Variants in NSMF observed in about 807,000 individuals in gnomAD.
NSMF encodes the protein nasal embryonic LHRH factor.
Under a neutral mutation model 71.0 loss-of-function variants are expected in NSMF, and 31 were observed. The observed-to-expected ratio is 0.44, with a 90% CI of 0.33 to 0.59. The LOEUF (loss-of-function observed/expected upper bound fraction) is 0.59. Among genes scored for constraint, NSMF ranks in the 20% least tolerant of loss-of-function variants. The pLI is 0.04. For synonymous variants in NSMF, 345 were observed against 287.1 expected (o/e 1.20, Z -2.04); for missense variants, 673 against 740.5 (o/e 0.91, Z 1.06).
Position 137,453,068 on chromosome 9 carries a change from T to G in NSMF, c.1035A>C (p.Pro345=). Residue 345 remains proline, a synonymous_variant, in exon 9 of 16, where the codon CCA becomes CCC. Transcript: ENST00000371475. This position sits in a 1 kb window ranked among gnomAD's most constrained non-coding sequence, Gnocchi z 4.5. ...GGCTGGGCCTCACCATGACCTTTGG[T>G]GGCACGAAGCCTTCGGTGTCGCAGG... The part of the protein sequence containing the change: ...AVACDTEGFV[P]PKVMLISSKV... 6.2e-7 allele frequency: 1 copy of G among 1,612,494 alleles called. No individual in the cohort carries two copies. Among genetic ancestry groups the G allele is most frequent in the Non-Finnish European group, 8.5e-7 (1 of 1,179,886 alleles).
At chr9:137,455,707 C>A (rs1018546930) in intron 4 of NSMF, 73 bp from the exon 5 acceptor site, 3 of 1,507,764 alleles carry the variant, frequency 2.0e-6, no homozygotes, top group Non-Finnish European at 1.8e-6. Flanking sequence ...TCCCCTCAGC[C>A]CCCACCCGGT....
In NSMF at chr9:137,457,708, G is replaced by A. The variant is rs773410048; in HGVS notation, c.327C>T (p.Ala109=). 1.3e-6 allele frequency: 2 copies of A among 1,553,528 alleles called. No homozygotes were observed. Among genetic ancestry groups the A allele is most frequent in the Admixed American group, 2.0e-5 (1 of 51,190 alleles). ...PRVYTISGEP[A]LLPSPEAEAI... is the part of the protein sequence containing the mutation. The stretch of plus-strand genomic sequence containing the variant: ...CCTCCGCCTCAGGGCTGGGCAGCAG[G>A]GCAGGCTCCCCAGAGATGGTGTACA... The change falls in exon 3 of 16, where the codon GCC becomes GCT. Residue 109 remains alanine (A), a synonymous_variant. Transcript: ENST00000371475.
At position 137,453,938 on chromosome 9, in the gene NSMF, T is replaced by C. The variant is rs1313048015; in HGVS notation, c.833-118A>G. On this transcript the variant is annotated intron_variant, in intron 7 of 15. Coordinates refer to ENST00000371475, the MANE Select transcript of NSMF (RefSeq NM_001130969.3). The surrounding 1 kb of genome is among the most constrained non-coding windows in gnomAD (Gnocchi z 4.5). ...GAGGAGGAAGCTAATGTGGGTGGGG[T>C]CTAAGGCACATGAAGCAGACACGGA... is the stretch of plus-strand genomic sequence containing the variant. 1.2e-5 allele frequency: 10 copies of C among 828,320 alleles called. No homozygotes were observed. The highest frequency in any genetic ancestry group is 6.6e-5 in the Admixed American group (3 of 45,618). The allele number at this position is 828,320 out of a possible 1,614,324, so 51.3% of individuals were successfully genotyped here. A position where few individuals can be genotyped will look rare whatever the true frequency, so the allele number is the denominator to read the frequency against.
intron 14 of NSMF, 91 bp from the exon 15 acceptor site, chr9:137,449,765 T>C (rs1367080977): frequency 7.3e-7 from 1 of 1,363,894 alleles, no homozygotes; most frequent in African/African-American, 1.4e-5. Flanking sequence ...CCCTCTTTTT[T>C]CAGACCCCCC....
chr9:137,454,807 G>T (rs764692071), intron 6 of NSMF: 11 of 1,345,282 alleles, frequency 8.2e-6, no homozygotes, highest in Non-Finnish European at 1.1e-5. Flanking sequence ...AGCAGAGCGG[G>T]GCTCCTGTCT....
In NSMF at chr9:137,453,326, C is replaced by T. The variant is rs562969602; in HGVS notation, c.923-146G>A. ...GACCATACAGAGGTCGCCGCCAGCCCGGCAGGACAGGCCTGTGGACACCAC... is the reference window on the plus strand; with the variant it reads ...GACCATACAGAGGTCGCCGCCAGCCTGGCAGGACAGGCCTGTGGACACCAC... On this transcript the variant is annotated intron_variant, in intron 8 of 15. Transcript: ENST00000371475. The surrounding 1 kb of genome is among the most constrained non-coding windows in gnomAD (Gnocchi z 4.5). The T allele has an allele frequency of 1.7e-6, 2 of 1,162,928 alleles. No individual in the cohort carries two copies. Among genetic ancestry groups the T allele is most frequent in the East Asian group, 5.1e-5 (2 of 38,968 alleles). The allele number at this position is 1,162,928 out of a possible 1,614,324, so 72.0% of individuals were successfully genotyped here. A position where few individuals can be genotyped will look rare whatever the true frequency, so the allele number is the denominator to read the frequency against.
chr9:137,455,906 C>G (rs184522833), intron 4 of NSMF, among the ~76,000 whole-genome samples: 3 of 152,324 alleles, frequency 2.0e-5, no homozygotes, highest in Admixed American at 6.5e-5. Context: ...TGGACTCCCC[C>G]GGGCAGGACA....
At position 137,452,556 on chromosome 9, in the gene NSMF, G is replaced by C; in HGVS notation, c.1162C>G (p.Leu388Val). Residue 388 changes from leucine (L) to valine (V), a missense_variant, in exon 11 of 16, where the codon CTT (leucine) becomes GTT (valine). By Grantham distance (32) the Leu-to-Val change is conservative (BLOSUM62 1). This residue lies in a region of NSMF where 202 missense variants were observed against 280.8 expected (regional missense o/e 0.72). Transcript: ENST00000371475. ...AGAAGGCCAATGAGGCACATACCAA[G>C]GATGTCCTCGAAGGTTGCGTGCTCA... ...DHEHATFEDI[L>V]EEIERKLNVY... The C allele has an allele frequency of 6.2e-7, 1 of 1,612,662 alleles. No homozygotes were observed. Among genetic ancestry groups the C allele is most frequent in the African/African-American group, 1.3e-5 (1 of 75,046 alleles).
At position 137,449,437 on chromosome 9, in the gene NSMF, C is replaced by G. The variant is rs1200663021; in HGVS notation, c.1550G>C (p.Ser517Thr). The change falls in exon 16 of 16, where the codon AGC becomes ACC. Residue 517 changes from serine to threonine, a missense_variant. Ser to Thr is a moderately conservative substitution (Grantham distance 58). Transcript: ENST00000371475. Reference protein sequence around the residue: ...FDFRLYRLWKSRQHSKLLDFD... With the variant: ...FDFRLYRLWKTRQHSKLLDFD... ...GTCCAGCAGCTTCGAGTGCTGGCGG[C>G]TCTTCCACAGGCGATACAACCGGAA... 3 of 1,612,812 alleles carry G rather than the reference C, an allele frequency of 1.9e-6. No individual in the cohort carries two copies. The Admixed American group carries it at 5.0e-5, about 27-fold the overall frequency.
chr9:137,452,389 G>T lies in NSMF; in HGVS notation c.1212C>A (p.Ile404=). The T allele has an allele frequency of 1.9e-6, 3 of 1,612,228 alleles. No individual in the cohort carries two copies. Among genetic ancestry groups the T allele is most frequent in the Non-Finnish European group, 2.5e-6 (3 of 1,179,830 alleles). The change falls in exon 12 of 16, where the codon ATC becomes ATA. Residue 404 remains isoleucine, a synonymous_variant. Coordinates refer to ENST00000371475, the MANE Select transcript of NSMF (RefSeq NM_001130969.3). The stretch of plus-strand genomic sequence containing the variant: ...CCTGGCAGAAAATCAGCATTTTCCA[G>T]ATCTTGGCTCCCTTGTGGTAGACGT... ...KLNVYHKGAK[I]WKMLIFCQGG... is the part of the protein sequence containing the mutation.
At position 137,451,047 on chromosome 9, in the gene NSMF, C is replaced by T. The variant is rs73567205; in HGVS notation, c.1237-792G>A. ...TCTCTTCCCCTTGATCTCCCCTCCA[C>T]GTCTCTTCCCCTTGATCTCCCCCTC... On this transcript the variant is annotated intron_variant, in intron 12 of 15. Coordinates refer to ENST00000371475, the MANE Select transcript of NSMF (RefSeq NM_001130969.3). Among the ~76,000 whole-genome samples, 34 of 41,620 alleles carry T rather than the reference C, an allele frequency of 8.2e-4. 1 individual carries two copies. The highest frequency in any genetic ancestry group is 3.9e-3 in the African/African-American group (29 of 7,532). The allele number at this position is 41,620 out of a possible 152,430, so 27.3% of individuals were successfully genotyped here.
Position 137,450,180 on chromosome 9 carries a change from T to C in NSMF, c.1312A>G (p.Ile438Val), listed in dbSNP as rs1402520474. Residue 438 changes from isoleucine (I) to valine (V), a missense_variant, in exon 13 of 16, where the codon ATT (isoleucine) becomes GTT (valine). Ile to Val is a conservative substitution (Grantham distance 29). This residue lies in a region of NSMF where 202 missense variants were observed against 280.8 expected (regional missense o/e 0.72). Coordinates refer to ENST00000371475, the MANE Select transcript of NSMF (RefSeq NM_001130969.3). ...FAKVEKEEDM[I>V]HFWKRLSRLM... ...CCAGGGCACCCGGCTTCTCACTGAA[T>C]CATGTCCTCTTCCTTCTCCACTTTG... The C allele has an allele frequency of 6.2e-7, 1 of 1,613,354 alleles. No individual in the cohort carries two copies. Among genetic ancestry groups the C allele is most frequent in the Non-Finnish European group, 8.5e-7 (1 of 1,179,834 alleles).
intron 7 of NSMF, 94 bp downstream of exon 7, chr9:137,454,297 G>A: frequency 8.0e-7 from 1 of 1,250,552 alleles, no homozygotes; most frequent in Non-Finnish European, 1.1e-6. Flanking sequence ...TTGGGGTTGG[G>A]GCGGGGGTCG....
intron 6 of NSMF, chr9:137,454,930 G>A: frequency 1.4e-6 from 1 of 695,888 alleles, no homozygotes; most frequent in Non-Finnish European, 2.5e-6. Context: ...CCCTGCCAAG[G>A]CCCAACATCC....
intron 1 of NSMF, 115 bp downstream of exon 1, chr9:137,458,917 C>G (rs1831026875): frequency 8.6e-6 from 7 of 818,398 alleles, no homozygotes; most frequent in Non-Finnish European, 1.2e-5. Context: ...GGGAGGGCGC[C>G]TCAGTGGCAG....
At chr9:137,455,454 G>T in intron 5 of NSMF, 147 bp from the exon 6 acceptor site, 1 of 1,146,750 alleles carries the variant, frequency 8.7e-7, no homozygotes, top group Non-Finnish European at 1.3e-6. Flanking sequence ...ACCTGTCGAG[G>T]CCCAGCTCCC....
rs779671089 is a variant in NSMF at position 137,450,031 on chromosome 9, G to A, written c.1317-6C>T. 3 of 1,612,140 alleles carry A rather than the reference G, an allele frequency of 1.9e-6. No homozygotes were observed. The highest frequency in any genetic ancestry group is 3.3e-5 in the Admixed American group (2 of 59,998). Reference sequence around the variant, plus strand: ...GGCTCAGCCGCTTCCAGAAGCTGGTGGAGAGGGGTGGGTCACCCAGTGGCA... The same window carrying A: ...GGCTCAGCCGCTTCCAGAAGCTGGTAGAGAGGGGTGGGTCACCCAGTGGCA... On this transcript the variant is annotated splice_polypyrimidine_tract_variant and splice_region_variant and intron_variant, in intron 13 of 15. Transcript: ENST00000371475.
Position 137,455,625 on chromosome 9 carries a change from TTACGAGATG to T in NSMF, c.705_710+3del, listed in dbSNP as rs1830794126. The T allele has an allele frequency of 9.0e-6, 14 of 1,550,352 alleles. No homozygotes were observed. The highest frequency in any genetic ancestry group is 1.2e-5 in the Non-Finnish European group (14 of 1,146,894). ...CTTAGGCACCAAGTCATACAGGTACTTACGAGATGCTGAAGCCAGGGCCAGAAGGGATGG... is the reference window on the plus strand; with the variant it reads ...CTTAGGCACCAAGTCATACAGGTACTCTGAAGCCAGGGCCAGAAGGGATGG... On this transcript the variant is annotated splice_donor_variant and splice_donor_region_variant and coding_sequence_variant and intron_variant, in exon 5 of 16. Transcript: ENST00000371475. LOFTEE classifies it high-confidence loss of function.
chr9:137,449,277 G>T lies in NSMF; in HGVS notation c.*117C>A. On this transcript the variant is annotated 3_prime_UTR_variant, in exon 16 of 16. Coordinates refer to ENST00000371475, the MANE Select transcript of NSMF (RefSeq NM_001130969.3). ...ACCTGAGCAACGTCTGAGGTGCCCT[G>T]AAGTGGCTCCAGGCGAGACCGGAGC... 1.2e-6 allele frequency: 1 copy of T among 845,524 alleles called. No individual in the cohort carries two copies. The highest frequency in any genetic ancestry group is 1.9e-6 in the Non-Finnish European group (1 of 513,792). The allele number at this position is 845,524 out of a possible 1,614,324, so 52.4% of individuals were successfully genotyped here. A position where few individuals can be genotyped will look rare whatever the true frequency, so the allele number is the denominator to read the frequency against.
Sources: allele counts gnomAD v4.1 joint callset (sites outside exome capture counted in the v4.1 genomes callset), GRCh38; gene constraint gnomAD v4.1.1; regional missense constraint gnomAD v4.1.1; non-coding constraint Gnocchi (gnomAD v3.1); transcripts MANE v1.5; gene names NCBI Gene and HGNC (gene_info 2026-07-23, HGNC 2026-07-21).